Variants in ATL2 observed in about 807,000 individuals in gnomAD.
The protein encoded by ATL2 is atlastin-2.
ATL2 carries 31 observed loss-of-function variants against 73.9 expected under a neutral mutation model. The observed-to-expected ratio is 0.42, with a 90% CI of 0.32 to 0.57. ATL2 has a LOEUF of 0.57. Ranked by LOEUF, ATL2 falls within the 20% of genes least tolerant of loss-of-function variation. The probability of loss-of-function intolerance (pLI) is 0.14; values close to 1 mark genes in which losing one functional copy is unlikely to be tolerated. For missense variants in ATL2, 738 were observed against 702.6 expected (o/e 1.05, Z -0.57); for synonymous variants, 291 against 237.5 (o/e 1.23, Z -2.07).
At chr2:38,304,631 G>T (rs931759478) in intron 9 of ATL2, among the ~76,000 whole-genome samples, 1 of 152,038 alleles carries the variant, frequency 6.6e-6, no homozygotes, top group Non-Finnish European at 1.5e-5. Context: ...TAGAAACAAC[G>T]AAAAGTTTAA....
chr2:38,310,284 T>C (rs749758095), intron 8 of ATL2, 25 bp downstream of exon 8: 49 of 1,607,902 alleles, frequency 3.0e-5, no homozygotes, highest in Non-Finnish European at 3.8e-5. Context: ...TAAGTTCAGA[T>C]TTTAGCAAGA....
chr2:38,303,920 C>A (rs1465254290), intron 9 of ATL2, among the ~76,000 whole-genome samples: 4 of 152,088 alleles, frequency 2.6e-5, no homozygotes, highest in African/African-American at 9.7e-5. Flanking sequence ...CTGCCTGACC[C>A]TGGAGTTCAA....
Position 38,308,937 on chromosome 2 carries a change from A to AG in ATL2, c.1071+441dup, listed in dbSNP as rs200909751. On this transcript the variant is annotated intron_variant, in intron 9 of 12. Transcript: ENST00000378954. The stretch of plus-strand genomic sequence containing the variant: ...AGCTATAAAGACTAGAGAAGAACAG[A>AG]GGGAAAAAAAAAAAACCTAAGAGTA... Among the ~76,000 whole-genome samples the AG allele has an allele frequency of 3.4e-3, 510 of 151,526 alleles. 3 individuals are homozygous for AG. Among genetic ancestry groups the AG allele is most frequent in the African/African-American group, 0.012 (477 of 41,366 alleles).
At chr2:38,329,976 A>C in intron 2 of ATL2, among the ~76,000 whole-genome samples, 2 of 152,056 alleles carry the variant, frequency 1.3e-5, no homozygotes, top group Non-Finnish European at 2.9e-5. Flanking sequence ...TAAAAATACA[A>C]AAATTAGCCA....
intron 2 of ATL2, among the ~76,000 whole-genome samples, chr2:38,326,989 A>G (rs1230864683): frequency 6.6e-6 from 1 of 151,992 alleles, no homozygotes; most frequent in Non-Finnish European, 1.5e-5. Flanking sequence ...CTCCATCTCA[A>G]AAAACAAAGC....
chr2:38,338,201 T>C (rs1311331605), intron 2 of ATL2, among the ~76,000 whole-genome samples: 6 of 152,152 alleles, frequency 3.9e-5, no homozygotes, highest in African/African-American at 1.4e-4. Flanking sequence ...AGCAAATTAA[T>C]GCAGGAACAG....
In ATL2 at chr2:38,363,928, G is replaced by C. The variant is rs115660394; in HGVS notation, c.118+13215C>G. Among the ~76,000 whole-genome samples the C allele has an allele frequency of 6.3e-3, 958 of 152,282 alleles. 10 individuals are homozygous for C. The highest frequency in any genetic ancestry group is 0.022 in the African/African-American group (922 of 41,562). On this transcript the variant is annotated intron_variant, in intron 1 of 12. Transcript: ENST00000378954. ...CAATAAAGACATTCTGAAGACGGCT[G>C]CACCTCTTAAGCCCTGAGGATCAGA...
rs748903843 is a variant in ATL2 at position 38,337,165 on chromosome 2, T to TA, written c.363+6102dup. Among the ~76,000 whole-genome samples the TA allele has an allele frequency of 1.1e-4, 17 of 151,100 alleles. No homozygotes were observed. The East Asian group carries it at 2.1e-3, about 19-fold the overall frequency. On this transcript the variant is annotated intron_variant, in intron 2 of 12. Coordinates refer to ENST00000378954, the MANE Select transcript of ATL2 (RefSeq NM_001135673.4). Reference sequence around the variant, plus strand: ...GACAACCAATCACAATGTGGACTATTAAAAAAAACAAAAACAAAAACGAAA... The same window carrying TA: ...GACAACCAATCACAATGTGGACTATTAAAAAAAAACAAAAACAAAAACGAAA...
chr2:38,300,017 C>T (rs944318882), intron 10 of ATL2, among the ~76,000 whole-genome samples: 2 of 152,140 alleles, frequency 1.3e-5, no homozygotes, highest in South Asian at 4.1e-4. Flanking sequence ...TTTTCCTATA[C>T]TTTGAGCATC....
chr2:38,336,592 C>A (rs1176544454), intron 2 of ATL2, among the ~76,000 whole-genome samples: 2 of 152,094 alleles, frequency 1.3e-5, no homozygotes, highest in African/African-American at 4.8e-5. Context: ...TATAAAGTAA[C>A]CTGTACTTTA....
chr2:38,323,359 T>TG (rs1041824238), intron 2 of ATL2, among the ~76,000 whole-genome samples: 5 of 138,732 alleles, frequency 3.6e-5, no homozygotes, highest in Non-Finnish European at 6.3e-5. Context: ...GTTTTTTTTT[T>TG]TTTTTTTTTT....
intron 2 of ATL2, among the ~76,000 whole-genome samples, chr2:38,327,839 G>A (rs1211087744): frequency 6.6e-6 from 1 of 152,162 alleles, no homozygotes; most frequent in South Asian, 2.1e-4. Flanking sequence ...AGGAGGCTAA[G>A]GCAGAAGAAC....
At chr2:38,314,692 G>A (rs779839460) in intron 5 of ATL2, 28 bp from the exon 6 acceptor site, 7 of 1,437,866 alleles carry the variant, frequency 4.9e-6, no homozygotes, top group African/African-American at 1.4e-5. Context: ...TTAAAATAAT[G>A]CCTCTAAAGA....
At chr2:38,314,722 T>C in intron 5 of ATL2, 58 bp from the exon 6 acceptor site, 2 of 1,144,278 alleles carry the variant, frequency 1.7e-6, no homozygotes, top group Non-Finnish European at 2.6e-6. Context: ...AAGACATGTG[T>C]AAACCTGTTC....
intron 11 of ATL2, among the ~76,000 whole-genome samples, 186 bp downstream of exon 11, chr2:38,299,070 C>T (rs1667051963): frequency 6.6e-6 from 1 of 152,068 alleles, no homozygotes; most frequent in Non-Finnish European, 1.5e-5. Flanking sequence ...TCAAATTCTG[C>T]TCTCAAATAA....
intron 9 of ATL2, among the ~76,000 whole-genome samples, chr2:38,301,914 TGA>T (rs980152052): frequency 4.6e-5 from 7 of 152,294 alleles, no homozygotes; most frequent in African/African-American, 9.6e-5. Flanking sequence ...TTCACAGCTC[TGA>T]GAGAGAGTCT....
In ATL2 at chr2:38,343,310, C is replaced by T. The variant is rs1669834348; in HGVS notation, c.321G>A (p.Lys107=). 2.5e-6 allele frequency: 4 copies of T among 1,611,546 alleles called. No homozygotes were observed. The highest frequency in any genetic ancestry group is 3.4e-6 in the Non-Finnish European group (4 of 1,179,428). The change falls in exon 2 of 13, where the codon AAG becomes AAA. Residue 107 remains lysine (K), a synonymous_variant. Transcript: ENST00000378954. Reference sequence around the variant, plus strand: ...TAAGCATGAAGTCCAGTAGAAATGACTTCCCTTTACGAAAAGCTCCTGCCA... The same window carrying T: ...TAAGCATGAAGTCCAGTAGAAATGATTTCCCTTTACGAAAAGCTCCTGCCA... ...VSVAGAFRKG[K]SFLLDFMLRY... is the part of the protein sequence containing the mutation.
chr2:38,316,570 C>T (rs1210643772), intron 4 of ATL2, among the ~76,000 whole-genome samples: 1 of 151,628 alleles, frequency 6.6e-6, no homozygotes, highest in Non-Finnish European at 1.5e-5. Flanking sequence ...CTACCCCCCC[C>T]ACCCAAAGGC....
At chr2:38,347,792 C>A (rs1229493873) in intron 1 of ATL2, among the ~76,000 whole-genome samples, 1 of 138,794 alleles carries the variant, frequency 7.2e-6, no homozygotes, top group Admixed American at 7.4e-5. Context: ...TTTTTTAAGG[C>A]AGAGCGCTCT....
Sources: allele counts gnomAD v4.1 joint callset (sites outside exome capture counted in the v4.1 genomes callset), GRCh38; gene constraint gnomAD v4.1.1; transcripts MANE v1.5; gene names NCBI Gene and HGNC (gene_info 2026-07-23, HGNC 2026-07-21).